Variants in CTDSPL2 observed in about 807,000 individuals in gnomAD.
CTDSPL2 encodes CTD small phosphatase like 2.
Under a neutral mutation model 60.0 loss-of-function variants are expected in CTDSPL2, and 5 were observed. That is an observed-to-expected ratio of 0.08 (90% CI 0.04 to 0.18). The LOEUF is 0.18. Among genes scored for constraint, CTDSPL2 ranks in the 10% least tolerant of loss-of-function variants. The pLI is 1.00. For missense variants in CTDSPL2, 370 were observed against 548.8 expected (o/e 0.67, Z 3.26); for synonymous variants, 186 against 189.3 (o/e 0.98, Z 0.14).
chr15:44,498,599 A>G (rs1411416188), intron 7 of CTDSPL2, among the ~76,000 whole-genome samples: 5 of 151,564 alleles, frequency 3.3e-5, no homozygotes, highest in Admixed American at 1.3e-4. Flanking sequence ...TTTAAAAGGA[A>G]GGAAAGAAAA....
intron 10 of CTDSPL2, among the ~76,000 whole-genome samples, chr15:44,516,213 C>T (rs1410896909): frequency 2.6e-5 from 4 of 151,990 alleles, no homozygotes; most frequent in African/African-American, 9.7e-5. Flanking sequence ...AGTGATCCAC[C>T]CACTTTGGCC....
chr15:44,468,868 C>A (rs2080748669), intron 2 of CTDSPL2, among the ~76,000 whole-genome samples: 1 of 152,144 alleles, frequency 6.6e-6, no homozygotes. Flanking sequence ...TAAAATCTTA[C>A]ATCATCCTGC....
chr15:44,514,407 C>T (rs2081616075), intron 8 of CTDSPL2, among the ~76,000 whole-genome samples, 191 bp from the exon 9 acceptor site: 1 of 152,142 alleles, frequency 6.6e-6, no homozygotes, highest in Admixed American at 6.5e-5. Context: ...TATTATCCCA[C>T]CAAAGAGATT....
chr15:44,454,876 G>A (rs1325344684), intron 1 of CTDSPL2, among the ~76,000 whole-genome samples: 3 of 152,162 alleles, frequency 2.0e-5, no homozygotes, highest in Non-Finnish European at 4.4e-5. Flanking sequence ...CTCCAGCTTT[G>A]TTCTTTTGGC....
In CTDSPL2 at chr15:44,526,966, A is replaced by G. The variant is rs533189451; in HGVS notation, c.*2792A>G. On this transcript the variant is annotated 3_prime_UTR_variant, in exon 13 of 13. Transcript: ENST00000260327. Reference sequence around the variant, plus strand: ...TGACTTTTAAGACATTCTTTTAAATATTTGTATCATTGTTAGGATGTTTTA... The same window carrying G: ...TGACTTTTAAGACATTCTTTTAAATGTTTGTATCATTGTTAGGATGTTTTA... The G allele has an allele frequency of 1.4e-4, 21 of 152,558 alleles. No individual in the cohort carries two copies. In the East Asian group the frequency reaches 3.9e-3, roughly 28 times the overall value. 9.5% of individuals were successfully genotyped at this position (152,558 alleles called of 1,614,324 possible).
At chr15:44,484,576 A>G (rs964623312) in intron 3 of CTDSPL2, among the ~76,000 whole-genome samples, 3 of 152,182 alleles carry the variant, frequency 2.0e-5, no homozygotes, top group African/African-American at 7.2e-5. Context: ...CTCTATTAAA[A>G]TCACACACAA....
Position 44,507,565 on chromosome 15 carries a change from A to C in CTDSPL2, c.970-7033A>C, listed in dbSNP as rs1353012704. ...TGTAACATCACTCAGTGGGTTATGA[A>C]ATTGAGACCACTCTAGGGCCTACCT... On this transcript the variant is annotated intron_variant, in intron 8 of 12. Coordinates refer to ENST00000260327, the MANE Select transcript of CTDSPL2 (RefSeq NM_016396.3). 2.6e-5 allele frequency among the ~76,000 whole-genome samples: 4 copies of C among 152,184 alleles called. No homozygotes were observed. The East Asian group carries it at 5.8e-4, about 22-fold the overall frequency.
intron 2 of CTDSPL2, among the ~76,000 whole-genome samples, chr15:44,482,376 T>A (rs1203291081): frequency 6.6e-6 from 1 of 152,220 alleles, no homozygotes. Flanking sequence ...CATACCTCTC[T>A]CCCCTTCTGG....
chr15:44,495,558 A>AG (rs2140819107), intron 5 of CTDSPL2, among the ~76,000 whole-genome samples: 1 of 152,156 alleles, frequency 6.6e-6, no homozygotes, highest in East Asian at 1.9e-4. Flanking sequence ...CAAAAAAAAA[A>AG]AAAAAGAGAT....
intron 2 of CTDSPL2, among the ~76,000 whole-genome samples, chr15:44,463,927 T>C (rs1206451316): frequency 6.6e-6 from 1 of 152,184 alleles, no homozygotes; most frequent in East Asian, 1.9e-4. Flanking sequence ...TAACTTGCAG[T>C]GTCAATAGTA....
Position 44,490,966 on chromosome 15 carries a change from G to C in CTDSPL2, c.658G>C (p.Glu220Gln), listed in dbSNP as rs1381787566. Residue 220 changes from glutamate (E) to glutamine (Q), a missense_variant, in exon 5 of 13, where the codon GAA becomes CAA. Glu to Gln is a conservative substitution (Grantham distance 29). Coordinates refer to ENST00000260327, the MANE Select transcript of CTDSPL2 (RefSeq NM_016396.3). ...SLNNGLEEAE[E>Q]TVNRDIPPLT... ...AAACAATGGTTTAGAAGAAGCAGAA[G>C]AAACAGTTAATCGTGATATCCCACC... 6.2e-7 allele frequency: 1 copy of C among 1,614,082 alleles called. No homozygotes were observed.
intron 1 of CTDSPL2, among the ~76,000 whole-genome samples, chr15:44,458,620 C>T (rs1021553242): frequency 2.6e-5 from 4 of 152,148 alleles, no homozygotes; most frequent in Admixed American, 2.6e-4. Flanking sequence ...TGGCCCAGTG[C>T]CTTGAATGTG....
intron 6 of CTDSPL2, among the ~76,000 whole-genome samples, chr15:44,496,717 C>T (rs1032923509): frequency 2.0e-5 from 3 of 152,008 alleles, no homozygotes; most frequent in South Asian, 2.1e-4. Flanking sequence ...AGAAATTGGC[C>T]GGACACGGTG....
chr15:44,435,637 C>T (rs372096561), intron 1 of CTDSPL2, among the ~76,000 whole-genome samples: 3 of 140,504 alleles, frequency 2.1e-5, no homozygotes, highest in East Asian at 2.5e-4. Context: ...GGCGGAGTCT[C>T]GCTCTGTCAC....
chr15:44,448,246 C>T, intron 1 of CTDSPL2: 4 of 296,128 alleles, frequency 1.4e-5, no homozygotes, highest in South Asian at 3.1e-5. Flanking sequence ...GCCGGAGCCA[C>T]TGCGCTCCGT....
intron 1 of CTDSPL2, among the ~76,000 whole-genome samples, chr15:44,456,881 T>TTTTTTTTTTTTTTTTTTTTG (rs2080457745): frequency 6.8e-6 from 1 of 146,114 alleles, no homozygotes; most frequent in African/African-American, 2.6e-5. Flanking sequence ...TTTTTTTGTT[T>TTTTTTTTTTTTTTTTTTTTG]TTTTTTCTTT....
chr15:44,506,103 C>T (rs143039385), intron 8 of CTDSPL2, among the ~76,000 whole-genome samples: 3,137 of 144,594 alleles, frequency 0.022, 53 homozygotes, highest in Non-Finnish European at 0.033. Context: ...TATCTTGGCT[C>T]ACCACAATCT....
intron 2 of CTDSPL2, among the ~76,000 whole-genome samples, chr15:44,464,256 A>C (rs1225736809): frequency 1.3e-5 from 2 of 152,232 alleles, no homozygotes; most frequent in African/African-American, 4.8e-5. Context: ...TTTAAGCCTT[A>C]CAAACCATAT....
intron 8 of CTDSPL2, among the ~76,000 whole-genome samples, chr15:44,508,533 A>T (rs1237337104): frequency 6.6e-6 from 1 of 152,224 alleles, no homozygotes; most frequent in East Asian, 1.9e-4. Flanking sequence ...AAAGTGGATG[A>T]TTCCTTGGAT....
Sources: gnomAD v4.1 joint callset for allele counts (sites outside exome capture counted in the v4.1 genomes callset) on GRCh38, gnomAD v4.1.1 for gene constraint, MANE v1.5 for transcripts, NCBI Gene and HGNC (gene_info 2026-07-23, HGNC 2026-07-21) for gene names.